Variants in POLQ observed in about 807,000 individuals in gnomAD.
POLQ encodes the protein DNA polymerase theta.
In POLQ, 233 loss-of-function variants were observed where a neutral mutation model predicts 259.2. That is an observed-to-expected ratio of 0.90 (90% CI 0.81 to 1.00). POLQ has a LOEUF of 1.00. Ranked by LOEUF, POLQ falls within the 50% of genes least tolerant of loss-of-function variation. The probability of loss-of-function intolerance (pLI) is 0.00; values close to 1 mark genes in which losing one functional copy is unlikely to be tolerated. For missense variants in POLQ, 2,871 were observed against 3,051.6 expected (o/e 0.94, Z 1.39); for synonymous variants, 1,025 against 1,048.8 (o/e 0.98, Z 0.44).
At chr3:121,504,886 G>T (rs1163326762) in intron 12 of POLQ, among the ~76,000 whole-genome samples, 2 of 152,110 alleles carry the variant, frequency 1.3e-5, no homozygotes, top group African/African-American at 4.8e-5. Context: ...GACTCCGGGG[G>T]ACTGTTGGGA....
At chr3:121,502,404 A>G (rs1305722991) in intron 12 of POLQ, among the ~76,000 whole-genome samples, 2 of 152,168 alleles carry the variant, frequency 1.3e-5, no homozygotes, top group South Asian at 4.1e-4. Flanking sequence ...GGGCCTCACC[A>G]TGATGACCAG....
intron 12 of POLQ, among the ~76,000 whole-genome samples, chr3:121,508,432 A>G (rs764509998): frequency 1.4e-4 from 22 of 152,206 alleles, no homozygotes; most frequent in Admixed American, 1.0e-3. Flanking sequence ...CCATTTTACA[A>G]ATGAGGAAAT....
intron 9 of POLQ, among the ~76,000 whole-genome samples, chr3:121,515,057 G>A (rs567228056): frequency 1.1e-4 from 16 of 152,304 alleles, no homozygotes; most frequent in Admixed American, 9.8e-4. Context: ...TTTTTGCAAA[G>A]TGCAGGGACT....
In POLQ at chr3:121,489,110, G is replaced by A; in HGVS notation, c.3821C>T (p.Ala1274Val). 1 of 1,613,566 alleles carries A rather than the reference G, an allele frequency of 6.2e-7. No individual in the cohort carries two copies. Among genetic ancestry groups the A allele is most frequent in the Non-Finnish European group, 8.5e-7 (1 of 1,179,584 alleles). ...ATGCTGGCCTTCTGATTTGCTAAATGCTCCAGCTGATGGAAGTACTTCACT... is the reference window on the plus strand; with the variant it reads ...ATGCTGGCCTTCTGATTTGCTAAATACTCCAGCTGATGGAAGTACTTCACT... ...IPSEVLPSAGAFSKSEGQHEN... is the reference protein window; with the variant it reads ...IPSEVLPSAGVFSKSEGQHEN... Residue 1274 changes from alanine to valine, a missense_variant, in exon 16 of 30, where the codon GCA (alanine) becomes GTA (valine). Physicochemically the swap from Ala to Val is moderately conservative, Grantham distance 64. Transcript: ENST00000264233.
intron 7 of POLQ, among the ~76,000 whole-genome samples, chr3:121,524,579 C>T (rs1159773966): frequency 1.3e-5 from 2 of 151,772 alleles, no homozygotes; most frequent in African/African-American, 4.8e-5. Context: ...CCTGGGTGAA[C>T]ATCAATCACA....
chr3:121,518,837 T>A (rs1233691638), intron 9 of POLQ, among the ~76,000 whole-genome samples: 1 of 151,966 alleles, frequency 6.6e-6, no homozygotes, highest in Non-Finnish European at 1.5e-5. Context: ...TGTCCTAGAG[T>A]AGAAAGTGGC....
Position 121,485,161 on chromosome 3 carries a change from T to A in POLQ, c.5653A>T (p.Ile1885Phe), listed in dbSNP as rs367591282. The A allele has an allele frequency of 1.2e-5, 19 of 1,606,012 alleles. No homozygotes were observed. In the South Asian group the frequency reaches 2.0e-4, roughly 17 times the overall value. ...TTAATGGGAAATCCATCATCTCTAA[T>A]AGGAATTTCCTGAGGTGAGCTAGCT... Reference protein sequence around the residue: ...KQASSPQEIPIRDDGFPIKGC... With the variant: ...KQASSPQEIPFRDDGFPIKGC... Residue 1885 changes from isoleucine to phenylalanine, a missense_variant, in exon 17 of 30, where the codon ATT (isoleucine) becomes TTT (phenylalanine). Around this residue, in one of 3 missense-constraint regions of POLQ, gnomAD observed 2,080 missense variants for 2,126.0 expected, o/e 0.98. Transcript: ENST00000264233.
chr3:121,524,806 C>T (rs2048360930), intron 7 of POLQ, among the ~76,000 whole-genome samples: 4 of 152,064 alleles, frequency 2.6e-5, no homozygotes, highest in Admixed American at 2.6e-4. Context: ...TATGGTTAAA[C>T]AGATGTATGC....
intron 24 of POLQ, among the ~76,000 whole-genome samples, chr3:121,461,416 G>C (rs544721726): frequency 1.1e-4 from 17 of 152,196 alleles, no homozygotes; most frequent in African/African-American, 4.1e-4. Flanking sequence ...ACTTTGGGAG[G>C]CCAAGGCAGG....
chr3:121,500,370 C>A (rs1414581286), intron 12 of POLQ, among the ~76,000 whole-genome samples: 1 of 151,858 alleles, frequency 6.6e-6, no homozygotes, highest in Admixed American at 6.6e-5. Flanking sequence ...AAATAACACT[C>A]CTGCCTTGGC....
At chr3:121,539,289 A>T in intron 4 of POLQ, 144 bp downstream of exon 4, 2 of 637,036 alleles carry the variant, frequency 3.1e-6, no homozygotes, top group Admixed American at 3.2e-5. Flanking sequence ...AGCGTTCCTA[A>T]CATTACAGAT....
chr3:121,458,604 C>T (rs570749001), intron 25 of POLQ, among the ~76,000 whole-genome samples: 1 of 152,226 alleles, frequency 6.6e-6, no homozygotes, highest in Admixed American at 6.5e-5. Context: ...ATCTATTTTA[C>T]CTAGGGTTTG....
At chr3:121,497,549 A>T (rs2048134588) in intron 13 of POLQ, among the ~76,000 whole-genome samples, 1 of 151,846 alleles carries the variant, frequency 6.6e-6, no homozygotes, top group Non-Finnish European at 1.5e-5. Flanking sequence ...CAATTCCCCC[A>T]CCTCAGCCTC....
At position 121,487,798 on chromosome 3, in the gene POLQ, AT is replaced by A; in HGVS notation, c.5132del (p.Asn1711MetfsTer18). On this transcript the variant is annotated frameshift_variant, in exon 16 of 30. Coordinates refer to ENST00000264233, the MANE Select transcript of POLQ (RefSeq NM_199420.4). LOFTEE classifies it high-confidence loss of function. ...VKSKIEMLEN[N>X]ANHDETSSLL... ...GGGATGAGGTTTCATCATGATTGGC[AT>A]TGTTTTCTAGCATCTCAATCTTGCT... 1.2e-6 allele frequency: 2 copies of A among 1,610,340 alleles called. No individual in the cohort carries two copies. The highest frequency in any genetic ancestry group is 1.7e-6 in the Non-Finnish European group (2 of 1,178,734).
In POLQ at chr3:121,533,197, T is replaced by A; in HGVS notation, c.753A>T (p.Leu251=). ...TRKSASCQAD[L]ASSLSNAVQI... ...GCACAGCATTAGACAGAGAACTGGC[T>A]AGATCTGCCTGACTGTAAAAAAACA... The change falls in exon 6 of 30, where the codon CTA becomes CTT. Residue 251 remains leucine, a synonymous_variant. Coordinates refer to ENST00000264233, the MANE Select transcript of POLQ (RefSeq NM_199420.4). 1.3e-6 allele frequency: 2 copies of A among 1,573,094 alleles called. No individual in the cohort carries two copies. The highest frequency in any genetic ancestry group is 1.7e-6 in the Non-Finnish European group (2 of 1,159,604).
In POLQ at chr3:121,511,887, C is replaced by T. The variant is rs370274271; in HGVS notation, c.1611G>A (p.Glu537=). ...VTGSMIRAIL[E]IIVGGVASTS... is the part of the protein sequence containing the mutation. The stretch of plus-strand genomic sequence containing the variant: ...GGTAATTTAGTAAATTCTCTCTTAC[C>T]TCCAGAATAGCTCGTATCATGCTGC... The change falls in exon 10 of 30, where the codon GAG becomes GAA. Residue 537 remains glutamate, a splice_region_variant and synonymous_variant. Coordinates refer to ENST00000264233, the MANE Select transcript of POLQ (RefSeq NM_199420.4). 5 of 1,609,300 alleles carry T rather than the reference C, an allele frequency of 3.1e-6. No individual in the cohort carries two copies. Among genetic ancestry groups the T allele is most frequent in the Non-Finnish European group, 4.2e-6 (5 of 1,178,214 alleles).
rs2048001179 is a variant in POLQ at position 121,485,101 on chromosome 3, C to A, written c.5713G>T (p.Val1905Leu). Residue 1905 changes from valine (V) to leucine (L), a missense_variant, in exon 17 of 30, where the codon GTA (valine) becomes TTA (leucine). By Grantham distance (32) the Val-to-Leu change is conservative. Around this residue, in one of 3 missense-constraint regions of POLQ, gnomAD observed 2,080 missense variants for 2,126.0 expected, o/e 0.98. Coordinates refer to ENST00000264233, the MANE Select transcript of POLQ (RefSeq NM_199420.4). The part of the protein sequence containing the change: ...CDDTLVVGLA[V>L]CWGGRDAYYF... ...TAGGCATCCCTTCCACCCCAGCATA[C>A]TGCCAGTCCAACCACCAAGGTGTCA... The A allele has an allele frequency of 1.2e-6, 2 of 1,612,796 alleles. No homozygotes were observed. The highest frequency in any genetic ancestry group is 1.7e-6 in the Non-Finnish European group (2 of 1,179,068).
At position 121,545,791 on chromosome 3, in the gene POLQ, G is replaced by A; in HGVS notation, c.87C>T (p.Ala29=). 1 of 1,611,516 alleles carries A rather than the reference G, an allele frequency of 6.2e-7. No homozygotes were observed. Among genetic ancestry groups the A allele is most frequent in the Non-Finnish European group, 8.5e-7 (1 of 1,179,072 alleles). Residue 29 remains alanine, a synonymous_variant, in exon 1 of 30, where the codon GCC becomes GCT. Transcript: ENST00000264233. The part of the protein sequence containing the change: ...SFSGSGGDSS[A]SPQFLSGSVL... ...CGGACCCGGAGAGGAACTGGGGGCT[G>A]GCACTGCTGTCACCGCCGCTTCCCG...
chr3:121,539,607 G>T lies in POLQ; in HGVS notation c.475-18C>A. On this transcript the variant is annotated intron_variant, in intron 3 of 29. Coordinates refer to ENST00000264233, the MANE Select transcript of POLQ (RefSeq NM_199420.4). ...AACAGACTCTGAATTGAGTAAAAAG[G>T]AACAATACAGGTGAAAAAACTTGAA... is the stretch of plus-strand genomic sequence containing the variant. 1 of 1,602,560 alleles carries T rather than the reference G, an allele frequency of 6.2e-7. No homozygotes were observed. Among genetic ancestry groups the T allele is most frequent in the South Asian group, 1.1e-5 (1 of 90,004 alleles).
Sources: gnomAD v4.1 joint callset for allele counts (sites outside exome capture counted in the v4.1 genomes callset) on GRCh38, gnomAD v4.1.1 for gene constraint, gnomAD v4.1.1 regional missense constraint, MANE v1.5 for transcripts, NCBI Gene and HGNC (gene_info 2026-07-23, HGNC 2026-07-21) for gene names.